Variants in CLSTN3 observed in about 807,000 individuals in gnomAD.
CLSTN3 encodes the protein calsyntenin 3.
In CLSTN3, 36 loss-of-function variants were observed where a neutral mutation model predicts 95.9. The observed-to-expected ratio is 0.38, with a 90% CI of 0.29 to 0.50. The LOEUF (loss-of-function observed/expected upper bound fraction) is 0.50, where lower values mean the gene tolerates loss of function less well. Among genes scored for constraint, CLSTN3 ranks in the 20% least tolerant of loss-of-function variants. The pLI, the probability that CLSTN3 is intolerant of heterozygous loss-of-function variation, is 0.95. For missense variants in CLSTN3, 1,084 were observed against 1,268.8 expected, an observed-to-expected ratio of 0.85 and a Z score of 2.21; for synonymous variants, 481 against 504.0, an observed-to-expected ratio of 0.95 and a Z score of 0.61.
chr12:7,140,701 G>A (rs890749841), intron 8 of CLSTN3, among the ~76,000 whole-genome samples: 2 of 152,188 alleles, frequency 1.3e-5, no homozygotes, highest in African/African-American at 4.8e-5. Flanking sequence ...TGGAGGCCAG[G>A]AGTTGGAGAC....
At chr12:7,154,850 A>G (rs896702797) in intron 16 of CLSTN3, among the ~76,000 whole-genome samples, 3 of 152,216 alleles carry the variant, frequency 2.0e-5, no homozygotes, top group East Asian at 1.9e-4. Flanking sequence ...TAAGGATCCA[A>G]TGAAGCCAGG....
chr12:7,133,286 G>A lies in CLSTN3; in HGVS notation c.187+140G>A, dbSNP rs1939341233. The A allele has an allele frequency of 1.1e-5, 12 of 1,099,038 alleles. No individual in the cohort carries two copies. The highest frequency in any genetic ancestry group is 1.6e-5 in the Non-Finnish European group (12 of 765,536). The allele number at this position is 1,099,038 out of a possible 1,614,324, so 68.1% of individuals were successfully genotyped here. ...AAAAGTGGGCTCAAGGAGGGGAATG[G>A]TCTCCACTGAAGAATGGAGATTGAG... is the stretch of plus-strand genomic sequence containing the variant. On this transcript the variant is annotated intron_variant, in intron 2 of 17. Transcript: ENST00000266546. This position sits in a 1 kb window ranked among gnomAD's most constrained non-coding sequence, Gnocchi z 4.7.
Position 7,138,888 on chromosome 12 carries a change from A to G in CLSTN3, c.1323+821A>G, listed in dbSNP as rs144449513. ...GAAGAGAGAAAAGAAGTGCCCAGATAATTTATAAACTAGATAATTGAGGGC... is the reference window on the plus strand; with the variant it reads ...GAAGAGAGAAAAGAAGTGCCCAGATGATTTATAAACTAGATAATTGAGGGC... On this transcript the variant is annotated intron_variant, in intron 8 of 17. Transcript: ENST00000266546. The G allele has an allele frequency of 1.8e-3, 272 of 149,998 alleles. 2 individuals are homozygous for G. The highest frequency in any genetic ancestry group is 6.4e-3 in the African/African-American group (262 of 40,982). The allele number at this position is 149,998 out of a possible 1,614,324, so 9.3% of individuals were successfully genotyped here.
intron 16 of CLSTN3, among the ~76,000 whole-genome samples, chr12:7,154,024 A>C (rs61113354): frequency 0.022 from 3,282 of 152,212 alleles, 114 homozygotes; most frequent in African/African-American, 0.075. Flanking sequence ...CTTCCCTCAG[A>C]TTTCAGTTGA....
upstream of CLSTN3, chr12:7,130,214 C>G: frequency 3.6e-6 from 1 of 278,700 alleles, no homozygotes; most frequent in Non-Finnish European, 6.3e-6. Flanking sequence ...CTCGGCTCCC[C>G]CAAAATTGCA....
chr12:7,139,649 TA>T (rs1297463861), intron 8 of CLSTN3, among the ~76,000 whole-genome samples: 2 of 80,318 alleles, frequency 2.5e-5, no homozygotes, highest in African/African-American at 8.0e-5. Context: ...TTATTATTAT[TA>T]TTATTATTTT....
In CLSTN3 at chr12:7,130,652, A is replaced by G. The variant is rs767698835; in HGVS notation, c.4A>G (p.Thr2Ala). M[T>A]LLLLPLLLAS... ...CTGCCCTGCCCCACGCCGCACCATG[A>G]CCCTCCTGCTGCTGCCCCTTCTGCT... Residue 2 changes from threonine (T) to alanine (A), a missense_variant, in exon 1 of 18, where the codon ACC becomes GCC. Transcript: ENST00000266546. The G allele has an allele frequency of 6.4e-7, 1 of 1,553,244 alleles. No homozygotes were observed. Among genetic ancestry groups the G allele is most frequent in the South Asian group, 1.2e-5 (1 of 85,162 alleles).
At chr12:7,131,827 T>C (rs774391842) in intron 1 of CLSTN3, 13 of 456,300 alleles carry the variant, frequency 2.8e-5, no homozygotes, top group Non-Finnish European at 4.4e-5. Context: ...GAAGGGGTTA[T>C]GGTGGTCATC....
Position 7,136,885 on chromosome 12 carries a change from A to G in CLSTN3, c.985A>G (p.Thr329Ala). ...CATGCCTGGCCCCAATGCCAACTGG[A>G]CAGCAGGACTCTCGGTGCACTACAG... Reference protein sequence around the residue: ...LPMPGPNANWTAGLSVHYSQD... With the variant: ...LPMPGPNANWAAGLSVHYSQD... Residue 329 changes from threonine to alanine, a missense_variant, in exon 7 of 18, where the codon ACA becomes GCA. Coordinates refer to ENST00000266546, the MANE Select transcript of CLSTN3 (RefSeq NM_014718.4). 1 of 1,613,732 alleles carries G rather than the reference A, an allele frequency of 6.2e-7. No individual in the cohort carries two copies. The highest frequency in any genetic ancestry group is 8.5e-7 in the Non-Finnish European group (1 of 1,179,936).
chr12:7,132,344 AT>A (rs1166398590), intron 1 of CLSTN3: 1 of 225,170 alleles, frequency 4.4e-6, no homozygotes, highest in Non-Finnish European at 9.0e-6. Context: ...GGCCAGCCCG[AT>A]AATCCCTTAG....
In CLSTN3 at chr12:7,130,608, G is replaced by C. The variant is rs1939277384; in HGVS notation, c.-41G>C. On this transcript the variant is annotated 5_prime_UTR_variant, in exon 1 of 18. Transcript: ENST00000266546. Reference sequence around the variant, plus strand: ...GAATCCGCAGGCTGGAGGCTCCCAGGGGAGGCAAACGCCTGGCCCTGCCCT... The same window carrying C: ...GAATCCGCAGGCTGGAGGCTCCCAGCGGAGGCAAACGCCTGGCCCTGCCCT... 5 of 1,552,218 alleles carry C rather than the reference G, an allele frequency of 3.2e-6. No individual in the cohort carries two copies. In the Admixed American group the frequency reaches 9.8e-5, roughly 30 times the overall value.
In CLSTN3 at chr12:7,137,795, T is replaced by TGAGA. The variant is rs71067156; in HGVS notation, c.1211-136_1211-133dup. On this transcript the variant is annotated intron_variant, in intron 7 of 17. Coordinates refer to ENST00000266546, the MANE Select transcript of CLSTN3 (RefSeq NM_014718.4). This position sits in a 1 kb window ranked among gnomAD's most constrained non-coding sequence, Gnocchi z 4.4. ...GTGTGTGTGTGTGTGTGTGTGTGTG[T>TGAGA]GAGAGAGAGAGAGAGAGAGAGAGAG... 9.4e-3 allele frequency among the ~76,000 whole-genome samples: 667 copies of TGAGA among 70,600 alleles called. 9 individuals carry two copies. The highest frequency in any genetic ancestry group is 0.016 in the South Asian group (21 of 1,298). 46.3% of individuals were successfully genotyped at this position (70,600 alleles called of 152,430 possible).
chr12:7,156,403 G>T (rs1056048119), intron 16 of CLSTN3: 5 of 456,556 alleles, frequency 1.1e-5, no homozygotes, highest in African/African-American at 2.0e-5. Context: ...TGGCCCTCAC[G>T]GCCCACGTCT....
At chr12:7,130,302 G>GTT (rs1470414003), upstream of CLSTN3, 10 of 916,946 alleles carry the variant, frequency 1.1e-5, no homozygotes, top group East Asian at 4.5e-4. Context: ...GCAGCACCTG[G>GTT]TCCCCCCCCC....
chr12:7,156,111 G>A (rs1939810390), intron 16 of CLSTN3: 6 of 361,152 alleles, frequency 1.7e-5, no homozygotes, highest in South Asian at 1.2e-4. Context: ...GTCTCTGTGT[G>A]TGTTTGGGGC....
Position 7,137,913 on chromosome 12 carries a change from T to C in CLSTN3, c.1211-42T>C. On this transcript the variant is annotated intron_variant, in intron 7 of 17. Coordinates refer to ENST00000266546, the MANE Select transcript of CLSTN3 (RefSeq NM_014718.4). The surrounding 1 kb of genome is among the most constrained non-coding windows in gnomAD (Gnocchi z 4.4). The stretch of plus-strand genomic sequence containing the variant: ...CTGCTGCTTTGAACTTGTTCTGGCC[T>C]CAGCCTCTGCACTTGACCCCATCCC... 1 of 1,483,760 alleles carries C rather than the reference T, an allele frequency of 6.7e-7. No homozygotes were observed. Among genetic ancestry groups the C allele is most frequent in the East Asian group, 2.3e-5 (1 of 43,936 alleles). The allele number at this position is 1,483,760 out of a possible 1,614,324, so 91.9% of individuals were successfully genotyped here. A position where few individuals can be genotyped will look rare whatever the true frequency, so the allele number is the denominator to read the frequency against.
rs1939530530 is a variant in CLSTN3, at chr12:7,141,817, C to T, written c.1487-269C>T. Reference sequence around the variant, plus strand: ...TGGGAGTGTGTGTGTGCACATGTGCCTGTCTGTCTTACCAGAGCCCACGTG... The same window carrying T: ...TGGGAGTGTGTGTGTGCACATGTGCTTGTCTGTCTTACCAGAGCCCACGTG... On this transcript the variant is annotated intron_variant, in intron 9 of 17. Coordinates refer to ENST00000266546, the MANE Select transcript of CLSTN3 (RefSeq NM_014718.4). The surrounding 1 kb of genome is among the most constrained non-coding windows in gnomAD (Gnocchi z 4.1). 6.6e-6 allele frequency among the ~76,000 whole-genome samples: 1 copy of T among 152,120 alleles called. No homozygotes were observed. Among genetic ancestry groups the T allele is most frequent in the African/African-American group, 2.4e-5 (1 of 41,406 alleles).
rs757760011 is a variant in CLSTN3 at position 7,141,383 on chromosome 12, A to C, written c.1465A>C (p.Met489Leu). Residue 489 changes from methionine to leucine, a missense_variant, in exon 9 of 18, where the codon ATG becomes CTG. Transcript: ENST00000266546. The surrounding 1 kb of genome is among the most constrained non-coding windows in gnomAD (Gnocchi z 4.1). Reference protein sequence around the residue: ...IHPPRREPALMIGACWTEEKN... With the variant: ...IHPPRREPALLIGACWTEEKN... ...CCCACCCCGAAGGGAGCCTGCTCTC[A>C]TGATTGGGGCCTGCTGGACTGGTAA... is the stretch of plus-strand genomic sequence containing the variant. 1 of 1,614,036 alleles carries C rather than the reference A, an allele frequency of 6.2e-7. No homozygotes were observed. The highest frequency in any genetic ancestry group is 2.2e-5 in the East Asian group (1 of 44,884).
chr12:7,151,792 A>G (rs944521219), intron 16 of CLSTN3, among the ~76,000 whole-genome samples: 1 of 152,214 alleles, frequency 6.6e-6, no homozygotes, highest in Non-Finnish European at 1.5e-5. Context: ...ACAGTGGCTC[A>G]TGCCTGTAAT....
Sources: allele counts gnomAD v4.1 joint callset (sites outside exome capture counted in the v4.1 genomes callset), GRCh38; gene constraint gnomAD v4.1.1; non-coding constraint Gnocchi (gnomAD v3.1); transcripts MANE v1.5; gene names NCBI Gene and HGNC (gene_info 2026-07-23, HGNC 2026-07-21).